Variants in PNPLA7 observed in about 807,000 individuals in gnomAD.
PNPLA7 encodes the protein patatin-like phospholipase domain-containing protein 7.
In PNPLA7, 153 loss-of-function variants were observed where a neutral mutation model predicts 161.7. The ratio of observed to expected loss-of-function variants is 0.95; its 90% CI spans 0.83 to 1.08. The LOEUF (loss-of-function observed/expected upper bound fraction) is 1.08, where lower values mean the gene tolerates loss of function less well. PNPLA7 is among the 50% of genes least tolerant of loss of function. The pLI, the probability that PNPLA7 is intolerant of heterozygous loss-of-function variation, is 0.00. For missense variants in PNPLA7, 1,739 were observed against 1,856.6 expected (o/e 0.94, Z 1.16); for synonymous variants, 809 against 782.1 (o/e 1.03, Z -0.57).
intron 14 of PNPLA7, among the ~76,000 whole-genome samples, chr9:137,502,712 C>G (rs7037786): frequency 0.13 from 1,020 of 7,970 alleles, 18 homozygotes; most frequent in Non-Finnish European, 0.14. Flanking sequence ...GCGGGGGACG[C>G]GGGGGACGCG....
chr9:137,542,851 G>A (rs773365935), intron 6 of PNPLA7, 50 bp from the exon 7 acceptor site: 27 of 1,574,532 alleles, frequency 1.7e-5, no homozygotes, highest in African/African-American at 2.7e-5. Flanking sequence ...GGAGGAGGAC[G>A]GCCTCTCCAA....
intron 21 of PNPLA7, among the ~76,000 whole-genome samples, chr9:137,483,086 G>A (rs930573754): frequency 1.2e-4 from 18 of 152,118 alleles, no homozygotes; most frequent in African/African-American, 2.9e-4. Context: ...TGGCTAGGCC[G>A]GTCTCGAACT....
intron 20 of PNPLA7, among the ~76,000 whole-genome samples, chr9:137,488,022 G>A (rs1323575336): frequency 1.3e-5 from 2 of 152,258 alleles, no homozygotes; most frequent in Non-Finnish European, 2.9e-5. Flanking sequence ...TCTATAATCA[G>A]GAGGAAATAA....
intron 21 of PNPLA7, among the ~76,000 whole-genome samples, chr9:137,482,632 G>A (rs895681622): frequency 2.5e-4 from 38 of 152,336 alleles, no homozygotes; most frequent in African/African-American, 8.7e-4. Context: ...GAGTGGCCCC[G>A]TGTGGTGCAG....
chr9:137,548,265 G>A (rs572293687), intron 1 of PNPLA7, among the ~76,000 whole-genome samples: 9 of 152,306 alleles, frequency 5.9e-5, no homozygotes, highest in Admixed American at 4.6e-4. Flanking sequence ...AAGACGAGAA[G>A]ACGACACCAG....
At chr9:137,478,941 A>C in intron 24 of PNPLA7, 115 bp downstream of exon 24, 145 of 1,209,506 alleles carry the variant, frequency 1.2e-4, no homozygotes, top group Non-Finnish European at 1.4e-4. Flanking sequence ...AAGCACAGGA[A>C]GGGCCCAGGA....
intron 21 of PNPLA7, among the ~76,000 whole-genome samples, chr9:137,481,285 C>T (rs777241309): frequency 3.9e-5 from 6 of 152,306 alleles, no homozygotes; most frequent in Admixed American, 6.5e-5. Flanking sequence ...AAGGAGGCCT[C>T]GGGTAGCCTC....
intron 25 of PNPLA7, among the ~76,000 whole-genome samples, chr9:137,469,945 T>A (rs1324630285): frequency 6.6e-6 from 1 of 152,186 alleles, no homozygotes; most frequent in African/African-American, 2.4e-5. Context: ...TAGAAAAACC[T>A]AACTCACCAA....
intron 12 of PNPLA7, among the ~76,000 whole-genome samples, chr9:137,507,170 G>A (rs763280783): frequency 6.6e-6 from 1 of 152,266 alleles, no homozygotes; most frequent in Admixed American, 6.5e-5. Context: ...CCGGTGCACT[G>A]TGCTGTGTAT....
In PNPLA7 at chr9:137,540,169, T is replaced by C. The variant is rs1836114873; in HGVS notation, c.747+473A>G. Among the ~76,000 whole-genome samples the C allele has an allele frequency of 6.6e-6, 1 of 152,188 alleles. No homozygotes were observed. The highest frequency in any genetic ancestry group is 6.5e-5 in the Admixed American group (1 of 15,268). ...ATTTATCCTGCAGATCAGGCTCTGG[T>C]ATCGGAAACGATGGACACAGGAAAC... On this transcript the variant is annotated intron_variant, in intron 8 of 34. Transcript: ENST00000406427. The surrounding 1 kb of genome is among the most constrained non-coding windows in gnomAD (Gnocchi z 5.1).
intron 14 of PNPLA7, among the ~76,000 whole-genome samples, chr9:137,503,871 GGAAGAAGAAA>G (rs1833711435): frequency 3.7e-5 from 1 of 26,866 alleles, no homozygotes; most frequent in African/African-American, 1.3e-4. Flanking sequence ...GGAGGAGGAA[GGAAGAAGAAA>G]GAAGAAGGAA....
chr9:137,505,494 C>T (rs904742881), intron 14 of PNPLA7, 120 bp downstream of exon 14: 67 of 1,233,006 alleles, frequency 5.4e-5, no homozygotes, highest in Middle Eastern at 2.8e-4. Context: ...TGCACTCCAC[C>T]CAAAACACCT....
At chr9:137,502,179 T>C (rs537386303) in intron 14 of PNPLA7, among the ~76,000 whole-genome samples, 30 of 152,090 alleles carry the variant, frequency 2.0e-4, no homozygotes, top group African/African-American at 7.2e-4. Flanking sequence ...CCCAACACAC[T>C]GGAACCCAGA....
chr9:137,500,890 T>C lies in PNPLA7; in HGVS notation c.1558A>G (p.Ser520Gly). 1 of 1,568,720 alleles carries C rather than the reference T, an allele frequency of 6.4e-7. No homozygotes were observed. The highest frequency in any genetic ancestry group is 8.6e-7 in the Non-Finnish European group (1 of 1,161,012). ...VVSRQGDQDA[S>G]ILFVVSGLLH... ...AGCCCCGAGACCACGAACAGGATGC[T>C]GGCGTCCTGACACACGAGAGGGCTC... is the stretch of plus-strand genomic sequence containing the variant. Residue 520 changes from serine to glycine, a missense_variant, in exon 16 of 35, where the codon AGC becomes GGC. By Grantham distance (56) the Ser-to-Gly change is moderately conservative. Transcript: ENST00000406427. This position sits in a 1 kb window ranked among gnomAD's most constrained non-coding sequence, Gnocchi z 5.5.
intron 25 of PNPLA7, among the ~76,000 whole-genome samples, chr9:137,474,239 A>C (rs769035758): frequency 9.2e-5 from 14 of 152,226 alleles, no homozygotes; most frequent in African/African-American, 1.7e-4. Context: ...ACCCCGTCTC[A>C]AAACAAACAA....
intron 8 of PNPLA7, among the ~76,000 whole-genome samples, chr9:137,531,080 G>A (rs950761658): frequency 2.0e-5 from 3 of 152,074 alleles, no homozygotes; most frequent in African/African-American, 7.2e-5. Context: ...AAACCTTTAT[G>A]TAGAGCAAGT....
intron 20 of PNPLA7, chr9:137,492,369 CA>C (rs1170015390): frequency 1.0e-6 from 1 of 978,844 alleles, no homozygotes. Flanking sequence ...TTCATCTTTT[CA>C]CATATAGCAG....
chr9:137,498,291 A>G (rs1588607317), intron 16 of PNPLA7, 46 bp from the exon 17 acceptor site: 1 of 1,596,886 alleles, frequency 6.3e-7, no homozygotes, highest in East Asian at 2.2e-5. Flanking sequence ...CTCCAACCCT[A>G]CCCTTCGCCC....
rs1332165118 is a variant in PNPLA7 at position 137,467,863 on chromosome 9, A to T, written c.2883-390T>A. Among the ~76,000 whole-genome samples the T allele has an allele frequency of 3.3e-5, 5 of 152,258 alleles. No individual in the cohort carries two copies. Among genetic ancestry groups the T allele is most frequent in the Middle Eastern group, 3.4e-3 (1 of 294 alleles). Reference sequence around the variant, plus strand: ...CAGTGAGCTGAGATCACACCACTGCACTCCAGCCTGGGAGACAGAGTGAGA... The same window carrying T: ...CAGTGAGCTGAGATCACACCACTGCTCTCCAGCCTGGGAGACAGAGTGAGA... On this transcript the variant is annotated intron_variant, in intron 25 of 34. Transcript: ENST00000406427. The surrounding 1 kb of genome is among the most constrained non-coding windows in gnomAD (Gnocchi z 5.1).
Sources: gnomAD v4.1 joint callset for allele counts (sites outside exome capture counted in the v4.1 genomes callset) on GRCh38, gnomAD v4.1.1 for gene constraint, Gnocchi (gnomAD v3.1) non-coding constraint, MANE v1.5 for transcripts, NCBI Gene and HGNC (gene_info 2026-07-23, HGNC 2026-07-21) for gene names.